The following MYO15A variants were observed in gnomAD, a reference collection of about 807,000 sequenced individuals.
MYO15A encodes the protein myosin XVA.
A neutral mutation model predicts 394.6 loss-of-function variants in MYO15A; 308 were observed. The observed-to-expected ratio is 0.78, with a 90% CI of 0.71 to 0.86. The LOEUF is 0.86. Ranked by LOEUF, MYO15A falls within the 40% of genes least tolerant of loss-of-function variation. The pLI, the probability that MYO15A is intolerant of heterozygous loss-of-function variation, is 0.00. For missense variants in MYO15A, 4,606 were observed against 4,799.1 expected (o/e 0.96, Z 1.19); for synonymous variants, 1,957 against 2,003.8 (o/e 0.98, Z 0.62).
chr17:18,133,867 A>G (rs944291183), intron 12 of MYO15A, among the ~76,000 whole-genome samples: 5 of 152,242 alleles, frequency 3.3e-5, no homozygotes, highest in African/African-American at 4.8e-5. Flanking sequence ...CATGTTGGCC[A>G]GGCTGGTCTT....
rs854802 is a variant in MYO15A, at chr17:18,179,790, G to A, written c.*920G>A. 0.78 allele frequency: 118,512 copies of A among 152,176 alleles called. 46,618 individuals are homozygous for A. Among genetic ancestry groups the A allele is most frequent in the African/African-American group, 0.87 (36,281 of 41,516 alleles). The allele number at this position is 152,176 out of a possible 1,614,324, so 9.4% of individuals were successfully genotyped here. ...GTCATATGAATGAAAAAATAAACGA[G>A]TGAATGTTGATAGAAAGTGCTGGTG... On this transcript the variant is annotated 3_prime_UTR_variant, in exon 66 of 66. Transcript: ENST00000647165.
At position 18,148,895 on chromosome 17, in the gene MYO15A, A is replaced by G. The variant is rs772965932; in HGVS notation, c.6899A>G (p.Lys2300Arg). Residue 2300 changes from lysine to arginine, a missense_variant, in exon 33 of 66, where the codon AAG (lysine) becomes AGG (arginine). This residue lies in a region of MYO15A where 2,776 missense variants were observed against 3,109.3 expected (regional missense o/e 0.89). Transcript: ENST00000647165. This position sits in a 1 kb window ranked among gnomAD's most constrained non-coding sequence, Gnocchi z 4.8. ...LELLRDFPRQ[K>R]SYFIVGTEGP... ...CTGCTCAGGGACTTCCCTCGACAGAAGTCCTACTTCATTGTGGGCACAGAG... is the reference window on the plus strand; with the variant it reads ...CTGCTCAGGGACTTCCCTCGACAGAGGTCCTACTTCATTGTGGGCACAGAG... The G allele has an allele frequency of 2.2e-5, 35 of 1,608,158 alleles. No homozygotes were observed. The highest frequency in any genetic ancestry group is 3.0e-5 in the Non-Finnish European group (35 of 1,177,402).
At position 18,151,411 on chromosome 17, in the gene MYO15A, G is replaced by A; in HGVS notation, c.7671G>A (p.Glu2557=). 1 of 1,614,184 alleles carries A rather than the reference G, an allele frequency of 6.2e-7. No homozygotes were observed. The highest frequency in any genetic ancestry group is 8.5e-7 in the Non-Finnish European group (1 of 1,180,018). Residue 2557 remains glutamate, a synonymous_variant, in exon 40 of 66, where the codon GAG becomes GAA. Transcript: ENST00000647165. ...TGCCCACAGCTTCACCCTCCCCAGA[G>A]CTGGTCCGGTACTCTACGCTCAACT... is the stretch of plus-strand genomic sequence containing the variant. ...ASPETTSPSP[E]LVRYSTLNSE... is the part of the protein sequence containing the mutation.
At chr17:18,161,892 AG>A (rs1220872493) in intron 57 of MYO15A, among the ~76,000 whole-genome samples, 3 of 145,146 alleles carry the variant, frequency 2.1e-5, no homozygotes, top group Non-Finnish European at 4.6e-5. Context: ...TAGAATATGG[AG>A]AAAGGGGGGG....
intron 23 of MYO15A, 109 bp from the exon 24 acceptor site, chr17:18,141,970 C>G: frequency 7.0e-7 from 1 of 1,424,976 alleles, no homozygotes; most frequent in Non-Finnish European, 9.8e-7. Context: ...CAGCCCCGCT[C>G]CAGGAGGCTG....
chr17:18,130,537 T>C (rs527621476), intron 7 of MYO15A, among the ~76,000 whole-genome samples: 4 of 151,768 alleles, frequency 2.6e-5, no homozygotes, highest in Non-Finnish European at 4.4e-5. Context: ...CCAGGGAGGA[T>C]CCTTGGCTGG....
At chr17:18,158,477 CG>C in intron 51 of MYO15A, 45 bp from the exon 52 acceptor site, 1 of 1,539,242 alleles carries the variant, frequency 6.5e-7, no homozygotes, top group Non-Finnish European at 9.0e-7. Flanking sequence ...AAGGGCTAGG[CG>C]TGGTGTGGCC....
In MYO15A at chr17:18,157,714, A is replaced by C. The variant is rs1597809963; in HGVS notation, c.8789-8A>C. On this transcript the variant is annotated splice_polypyrimidine_tract_variant and splice_region_variant and intron_variant, in intron 50 of 65. Transcript: ENST00000647165. ...CCTGTTTGCCTCAGACCTTTTACCC[A>C]CCCCTAGGCTGGAGGTTCGGGACCA... 2 of 1,604,336 alleles carry C rather than the reference A, an allele frequency of 1.2e-6. No individual in the cohort carries two copies.
In MYO15A at chr17:18,150,518, C is replaced by T. The variant is rs1286557935; in HGVS notation, c.7302C>T (p.Pro2434=). 5 of 1,614,204 alleles carry T rather than the reference C, an allele frequency of 3.1e-6. No individual in the cohort carries two copies. The highest frequency in any genetic ancestry group is 1.6e-4 in the Middle Eastern group (1 of 6,062). Residue 2434 remains proline (P), a synonymous_variant, in exon 36 of 66, where the codon CCC becomes CCT. Transcript: ENST00000647165. This position sits in a 1 kb window ranked among gnomAD's most constrained non-coding sequence, Gnocchi z 4.4. The stretch of plus-strand genomic sequence containing the variant: ...GCAGTAGTGGTACTGAAGACACCCC[C>T]AGGAGACCCCCAGAGCCAAAGCCAA... ...GGSSSGTEDT[P]RRPPEPKPIP... is the part of the protein sequence containing the mutation.
At chr17:18,130,250 G>A (rs547012397) in intron 7 of MYO15A, among the ~76,000 whole-genome samples, 1 of 151,858 alleles carries the variant, frequency 6.6e-6, no homozygotes, top group Non-Finnish European at 1.5e-5. Flanking sequence ...CTGTGTAGAC[G>A]CTGGGGACTC....
intron 1 of MYO15A, among the ~76,000 whole-genome samples, chr17:18,112,356 A>G (rs1370074928): frequency 6.6e-6 from 1 of 151,526 alleles, no homozygotes; most frequent in Admixed American, 6.6e-5. Flanking sequence ...GTTTCCACTC[A>G]GTCTCCAATC....
In MYO15A at chr17:18,163,839, G is replaced by C. The variant is rs769937488; in HGVS notation, c.9787+1G>C. 1 of 1,613,038 alleles carries C rather than the reference G, an allele frequency of 6.2e-7. No individual in the cohort carries two copies. The highest frequency in any genetic ancestry group is 1.7e-5 in the Admixed American group (1 of 59,926). The stretch of plus-strand genomic sequence containing the variant: ...GTTATCTTCGTTGTCACCAACCGTG[G>C]TGAGTGCCAGGAAGACTGAGCATGC... On this transcript the variant is annotated splice_donor_variant, in intron 60 of 65. Coordinates refer to ENST00000647165, the MANE Select transcript of MYO15A (RefSeq NM_016239.4). LOFTEE classifies it high-confidence loss of function.
Position 18,150,590 on chromosome 17 carries a change from C to A in MYO15A, c.7327+47C>A. On this transcript the variant is annotated intron_variant, in intron 36 of 65. Coordinates refer to ENST00000647165, the MANE Select transcript of MYO15A (RefSeq NM_016239.4). The surrounding 1 kb of genome is among the most constrained non-coding windows in gnomAD (Gnocchi z 4.4). Reference sequence around the variant, plus strand: ...TTCCAGGGTTGGGCAGGGCCAGAGCCACTTGCTGGTGTGCTAGAATGGAGG... The same window carrying A: ...TTCCAGGGTTGGGCAGGGCCAGAGCAACTTGCTGGTGTGCTAGAATGGAGG... 1 of 1,612,204 alleles carries A rather than the reference C, an allele frequency of 6.2e-7. No individual in the cohort carries two copies. The highest frequency in any genetic ancestry group is 8.5e-7 in the Non-Finnish European group (1 of 1,178,472).
intron 7 of MYO15A, among the ~76,000 whole-genome samples, chr17:18,128,998 G>A (rs543890747): frequency 7.2e-5 from 11 of 152,288 alleles, no homozygotes; most frequent in Admixed American, 2.6e-4. Context: ...GTCCAGTTCA[G>A]TTTTAGGCAT....
intron 18 of MYO15A, 32 bp downstream of exon 18, chr17:18,138,968 G>A (rs772682109): frequency 6.3e-7 from 1 of 1,597,442 alleles, no homozygotes; most frequent in African/African-American, 1.3e-5. Flanking sequence ...CTGGACGCTG[G>A]TGCTGCAGTG....
Position 18,172,223 on chromosome 17 carries a change from C to T in MYO15A, c.10283C>T (p.Ala3428Val), listed in dbSNP as rs773074836. Residue 3428 changes from alanine to valine, a missense_variant, in exon 64 of 66, where the codon GCT becomes GTT. Coordinates refer to ENST00000647165, the MANE Select transcript of MYO15A (RefSeq NM_016239.4). Reference protein sequence around the residue: ...FFFIQSCSNIAVPAPCILAIN... With the variant: ...FFFIQSCSNIVVPAPCILAIN... ...TTCATCCAGAGCTGCAGCAACATTG[C>T]TGTGCCAGCCCCTTGCATCCTTGCC... The T allele has an allele frequency of 6.8e-6, 11 of 1,614,236 alleles. No homozygotes were observed. The South Asian group carries it at 9.9e-5, about 14-fold the overall frequency.
chr17:18,115,437 G>C (rs1375352182), intron 1 of MYO15A, among the ~76,000 whole-genome samples: 1 of 152,154 alleles, frequency 6.6e-6, no homozygotes, highest in African/African-American at 2.4e-5. Context: ...TGGCCAACAT[G>C]GTGAAACCCT....
chr17:18,173,726 G>A (rs2142435680), intron 64 of MYO15A, 55 bp from the exon 65 acceptor site: 1 of 1,612,068 alleles, frequency 6.2e-7, no homozygotes, highest in African/African-American at 1.3e-5. Context: ...GGGTAAGAGT[G>A]GTTGAGACTA....
chr17:18,161,148 G>T, intron 56 of MYO15A, 169 bp from the exon 57 acceptor site: 1 of 1,088,514 alleles, frequency 9.2e-7, no homozygotes, highest in Non-Finnish European at 1.4e-6. Flanking sequence ...CCCCAATCCT[G>T]ACTTCCCAAG....
Sources: allele counts gnomAD v4.1 joint callset (sites outside exome capture counted in the v4.1 genomes callset), GRCh38; gene constraint gnomAD v4.1.1; regional missense constraint gnomAD v4.1.1; non-coding constraint Gnocchi (gnomAD v3.1); transcripts MANE v1.5; gene names NCBI Gene and HGNC (gene_info 2026-07-23, HGNC 2026-07-21).